TRPC5: variants seen among roughly 807,000 people sequenced by gnomAD.
TRPC5 encodes short transient receptor potential channel 5.
Under a neutral mutation model 56.5 loss-of-function variants are expected in TRPC5, and 9 were observed. The ratio of observed to expected loss-of-function variants is 0.16; its 90% CI spans 0.10 to 0.28. The LOEUF (loss-of-function observed/expected upper bound fraction) is 0.28, where lower values mean the gene tolerates loss of function less well. TRPC5 is among the 10% of genes least tolerant of loss of function. The pLI, the probability that TRPC5 is intolerant of heterozygous loss-of-function variation, is 1.00. For missense variants in TRPC5, 469 were observed against 748.9 expected (o/e 0.63, Z 4.36); for synonymous variants, 282 against 278.5 (o/e 1.01, Z -0.13).
At chrX:111,990,906 C>A (rs1603133612) in intron 1 of TRPC5, among the ~76,000 whole-genome samples, 1 of 112,384 alleles carries the variant, frequency 8.9e-6, no homozygotes, top group African/African-American at 3.2e-5. Context: ...TTCTTTTATG[C>A]TAACTGCTGC....
At chrX:111,939,555 A>G (rs1228411359) in intron 2 of TRPC5, among the ~76,000 whole-genome samples, 2 of 111,511 alleles carry the variant, frequency 1.8e-5, no homozygotes, top group Non-Finnish European at 3.8e-5. Context: ...GAAACTTTTT[A>G]TTATAGCTTT....
Position 111,770,419 on chromosome X carries a change from C to T in TRPC5, c.*5894G>A, listed in dbSNP as rs780294214. Among the ~76,000 whole-genome samples, 2 of 111,633 alleles carry T rather than the reference C, an allele frequency of 1.8e-5. No individual in the cohort carries two copies. Among genetic ancestry groups the T allele is most frequent in the Admixed American group, 9.5e-5 (1 of 10,521 alleles). On this transcript the variant is annotated 3_prime_UTR_variant, in exon 11 of 11. Coordinates refer to ENST00000262839, the MANE Select transcript of TRPC5 (RefSeq NM_012471.3). Reference sequence around the variant, plus strand: ...ACCCAAAATTTGAAAAATGATTTACCGGTAGTTCTGCTTTCATATATTGTT... The same window carrying T: ...ACCCAAAATTTGAAAAATGATTTACTGGTAGTTCTGCTTTCATATATTGTT...
intron 1 of TRPC5, among the ~76,000 whole-genome samples, chrX:112,050,270 C>T (rs17307746): frequency 0.038 from 4,237 of 112,637 alleles, 78 homozygotes; most frequent in Non-Finnish European, 0.06. Context: ...ACTTTTTCCT[C>T]TTGTAACACT....
At chrX:111,926,454 C>T (rs887683121) in intron 2 of TRPC5, among the ~76,000 whole-genome samples, 1 of 111,928 alleles carries the variant, frequency 8.9e-6, no homozygotes, top group Non-Finnish European at 1.9e-5. Flanking sequence ...TTCAACTACT[C>T]CATAGCCATA....
In TRPC5 at chrX:111,865,841, T is replaced by G. The variant is rs779620229; in HGVS notation, c.901-11735A>C. The stretch of plus-strand genomic sequence containing the variant: ...TTCCTTCCTTAGTGTGTGAAAGGAG[T>G]CCAGTAGCTAACACAAGTCTCCTGG... On this transcript the variant is annotated intron_variant, in intron 3 of 10. Transcript: ENST00000262839. 1.4e-4 allele frequency among the ~76,000 whole-genome samples: 16 copies of G among 112,228 alleles called. No homozygotes were observed. In the East Asian group the frequency reaches 4.5e-3, roughly 32 times the overall value.
In TRPC5 at chrX:112,073,176, G is replaced by C. The variant is rs148067366; in HGVS notation, c.-22+8703C>G. Among the ~76,000 whole-genome samples the C allele has an allele frequency of 6.8e-4, 76 of 111,003 alleles. No homozygotes were observed. The East Asian group carries it at 0.013, about 20-fold the overall frequency. On this transcript the variant is annotated intron_variant, in intron 1 of 10. Coordinates refer to ENST00000262839, the MANE Select transcript of TRPC5 (RefSeq NM_012471.3). Reference sequence around the variant, plus strand: ...GGCTCTTCTGCCCCCACTAATCATGGGCCACAGATTAAACCTTAACTATCT... The same window carrying C: ...GGCTCTTCTGCCCCCACTAATCATGCGCCACAGATTAAACCTTAACTATCT...
chrX:111,810,126 G>A (rs936076246), intron 7 of TRPC5, among the ~76,000 whole-genome samples: 1 of 110,693 alleles, frequency 9.0e-6, no homozygotes, highest in Non-Finnish European at 1.9e-5. Flanking sequence ...TATTGGCCAA[G>A]CTGGACTCGA....
chrX:112,076,623 T>A (rs1487325453), intron 1 of TRPC5, among the ~76,000 whole-genome samples: 1 of 112,021 alleles, frequency 8.9e-6, no homozygotes, highest in Non-Finnish European at 1.9e-5. Flanking sequence ...AATTTGTCCA[T>A]CAAATGATGC....
rs1262193330 is a variant in TRPC5 at position 111,781,148 on chromosome X, C to A, written c.2142+17G>T. The A allele has an allele frequency of 8.3e-7, 1 of 1,204,713 alleles. No homozygotes were observed. The highest frequency in any genetic ancestry group is 1.1e-6 in the Non-Finnish European group (1 of 890,558). ...AGCCAACAACTATTGTGCTTCATCC[C>A]TGTGAGGAAGCTTTACCTGATAATG... On this transcript the variant is annotated intron_variant, in intron 9 of 10. Transcript: ENST00000262839.
At chrX:111,961,225 T>C (rs956969214) in intron 1 of TRPC5, among the ~76,000 whole-genome samples, 4 of 112,407 alleles carry the variant, frequency 3.6e-5, no homozygotes, top group African/African-American at 1.3e-4. Flanking sequence ...AAAACAAAAA[T>C]TGCAAAAAAT....
Position 111,922,252 on chromosome X carries a change from CCTTATCAGGAG to C in TRPC5, c.379-9451_379-9441del, listed in dbSNP as rs756041079. Among the ~76,000 whole-genome samples, 3 of 111,712 alleles carry C rather than the reference CCTTATCAGGAG, an allele frequency of 2.7e-5. No homozygotes were observed. In the East Asian group the frequency reaches 8.5e-4, roughly 32 times the overall value. ...CCCCATTTGTAATTAATGGCCAGAC[CCTTATCAGGAG>C]CCGCCTCATTCATACACACAATGTT... On this transcript the variant is annotated intron_variant, in intron 2 of 10. Transcript: ENST00000262839.
chrX:111,883,948 T>G (rs1323625445), intron 3 of TRPC5, among the ~76,000 whole-genome samples: 2 of 112,929 alleles, frequency 1.8e-5, no homozygotes, highest in Non-Finnish European at 3.7e-5. Context: ...GGCTTCAGCC[T>G]AGTTAAGTGT....
chrX:112,048,246 C>A (rs1347106365), intron 1 of TRPC5, among the ~76,000 whole-genome samples: 1 of 110,718 alleles, frequency 9.0e-6, no homozygotes, highest in Non-Finnish European at 1.9e-5. Flanking sequence ...GAGGGGAATA[C>A]AAAAATTAGC....
chrX:111,803,678 C>T (rs1032992755), intron 7 of TRPC5, among the ~76,000 whole-genome samples: 7 of 111,964 alleles, frequency 6.3e-5, no homozygotes, highest in African/African-American at 1.9e-4. Flanking sequence ...ATATCCTTTG[C>T]GAACTTTTTG....
rs766311564 is a variant in TRPC5 at position 111,790,230 on chromosome X, T to C, written c.1897-8092A>G. 1.1e-4 allele frequency among the ~76,000 whole-genome samples: 12 copies of C among 111,330 alleles called. No homozygotes were observed. In the East Asian group the frequency reaches 2.0e-3, roughly 18 times the overall value. ...TACACCATGGAATACTATGCAGCCA[T>C]AAAAAAGGATGAGTTCATGTCCTTT... On this transcript the variant is annotated intron_variant, in intron 7 of 10. Transcript: ENST00000262839.
chrX:111,948,284 G>A (rs1455559557), intron 2 of TRPC5, among the ~76,000 whole-genome samples: 9 of 111,688 alleles, frequency 8.1e-5, no homozygotes, highest in Admixed American at 7.6e-4. Context: ...AAGGGGCTAG[G>A]GGAATACAGG....
At chrX:111,950,235 G>A (rs1316640659) in intron 2 of TRPC5, among the ~76,000 whole-genome samples, 1 of 110,233 alleles carries the variant, frequency 9.1e-6, no homozygotes. Context: ...TGAGGCAGGA[G>A]AATGGCATCA....
chrX:112,064,027 C>G (rs1013956737), intron 1 of TRPC5, among the ~76,000 whole-genome samples: 1 of 111,775 alleles, frequency 8.9e-6, no homozygotes. Flanking sequence ...ATCCTGCCCC[C>G]CAAACATGTG....
intron 1 of TRPC5, among the ~76,000 whole-genome samples, chrX:112,038,842 C>T (rs1006043149): frequency 8.6e-4 from 86 of 99,652 alleles, no homozygotes; most frequent in African/African-American, 2.9e-3. Context: ...CCACCATGCC[C>T]GGCTATTTTT....
Sources: allele counts gnomAD v4.1 joint callset (sites outside exome capture counted in the v4.1 genomes callset), GRCh38; gene constraint gnomAD v4.1.1; transcripts MANE v1.5; gene names NCBI Gene and HGNC (gene_info 2026-07-23, HGNC 2026-07-21).